FGF10: variants seen among roughly 807,000 people sequenced by gnomAD.
The protein encoded by FGF10 is FGF-10.
A neutral mutation model predicts 19.8 loss-of-function variants in FGF10; 2 were observed. That is an observed-to-expected ratio of 0.10 (90% CI 0.04 to 0.32). FGF10 has a LOEUF of 0.32. Ranked by LOEUF, FGF10 falls within the 10% of genes least tolerant of loss-of-function variation. The probability of loss-of-function intolerance (pLI) is 1.00; values close to 1 mark genes in which losing one functional copy is unlikely to be tolerated. For synonymous variants in FGF10, 112 were observed against 94.0 expected (o/e 1.19, Z -1.10); for missense variants, 191 against 246.3 (o/e 0.78, Z 1.50).
At chr5:44,365,010 T>C (rs1407413349) in intron 1 of FGF10, among the ~76,000 whole-genome samples, 1 of 151,948 alleles carries the variant, frequency 6.6e-6, no homozygotes, top group Non-Finnish European at 1.5e-5. Flanking sequence ...AAAATAGGTA[T>C]AGCCAAACAC....
rs564897386 is a variant in FGF10 at position 44,377,271 on chromosome 5, G to C, written c.325+11087C>G. Among the ~76,000 whole-genome samples the C allele has an allele frequency of 8.5e-5, 13 of 152,298 alleles. No individual in the cohort carries two copies. The South Asian group carries it at 2.5e-3, about 29-fold the overall frequency. ...CTGCCCTGCTTCTTGGCATTGAGTA[G>C]AAACTGCCTTATATGCTCTTCCAAC... On this transcript the variant is annotated intron_variant, in intron 1 of 2. Coordinates refer to ENST00000264664, the MANE Select transcript of FGF10 (RefSeq NM_004465.2).
intron 1 of FGF10, among the ~76,000 whole-genome samples, chr5:44,372,236 C>T (rs1056388401): frequency 1.3e-5 from 2 of 152,136 alleles, no homozygotes; most frequent in Non-Finnish European, 2.9e-5. Context: ...TCCTTGGCCA[C>T]ATTCCTTGGC....
In FGF10 at chr5:44,302,275, T is replaced by TTTCCTTCCTTCC. The variant is rs1389266344; in HGVS notation, c.*2719_*2720insGGAAGGAAGGAA. Among the ~76,000 whole-genome samples, 1 of 136,350 alleles carries TTTCCTTCCTTCC rather than the reference T, an allele frequency of 7.3e-6. No homozygotes were observed. Among genetic ancestry groups the TTTCCTTCCTTCC allele is most frequent in the African/African-American group, 2.8e-5 (1 of 35,286 alleles). 89.5% of individuals were successfully genotyped at this position (136,350 alleles called of 152,430 possible). A position where few individuals can be genotyped will look rare whatever the true frequency, so the allele number is the denominator to read the frequency against. ...CCTCCCTTCTTTCCTTCCTTCCTTCTTTCCTTGCTTCCTTCCTTCCTTCCT... is the reference window on the plus strand; with the variant it reads ...CCTCCCTTCTTTCCTTCCTTCCTTCTTTCCTTCCTTCCTTCCTTGCTTCCTTCCTTCCTTCCT... On this transcript the variant is annotated 3_prime_UTR_variant, in exon 3 of 3. Transcript: ENST00000264664.
chr5:44,380,134 T>C (rs188775697), intron 1 of FGF10, among the ~76,000 whole-genome samples: 148 of 152,328 alleles, frequency 9.7e-4, no homozygotes, highest in Non-Finnish European at 1.2e-4. Flanking sequence ...GGTATCTTAC[T>C]TTAGACTATC....
intron 1 of FGF10, among the ~76,000 whole-genome samples, chr5:44,324,465 T>A (rs1039917251): frequency 1.3e-5 from 2 of 152,110 alleles, no homozygotes; most frequent in African/African-American, 4.8e-5. Flanking sequence ...AACCGCACAA[T>A]ATCATATCTT....
At chr5:44,347,769 T>A (rs924054669) in intron 1 of FGF10, among the ~76,000 whole-genome samples, 1 of 151,756 alleles carries the variant, frequency 6.6e-6, no homozygotes, top group Non-Finnish European at 1.5e-5. Flanking sequence ...ACTCATCTCA[T>A]GCCCTTATAG....
At chr5:44,351,770 G>A (rs1741238497) in intron 1 of FGF10, among the ~76,000 whole-genome samples, 1 of 151,634 alleles carries the variant, frequency 6.6e-6, no homozygotes, top group Admixed American at 6.6e-5. Flanking sequence ...AATTTGGAGA[G>A]ATGGAGTCAA....
rs1740187986 is a variant in FGF10, at chr5:44,310,543, A to G, written c.326-13T>C. On this transcript the variant is annotated splice_polypyrimidine_tract_variant and intron_variant, in intron 1 of 2. Transcript: ENST00000264664. ...ATCTCCAGGATGCCTAAAACATACA[A>G]TTTTAAAAGGCTAAATAAAGAATCC... The G allele has an allele frequency of 6.5e-7, 1 of 1,546,174 alleles. No homozygotes were observed. Among genetic ancestry groups the G allele is most frequent in the East Asian group, 2.3e-5 (1 of 44,312 alleles).
intron 1 of FGF10, among the ~76,000 whole-genome samples, chr5:44,323,220 G>A (rs1463623394): frequency 2.0e-5 from 3 of 152,110 alleles, no homozygotes; most frequent in African/African-American, 7.2e-5. Context: ...CCATAGGTTG[G>A]AAATACAAGA....
chr5:44,372,304 C>T (rs1016704103), intron 1 of FGF10, among the ~76,000 whole-genome samples: 5 of 152,128 alleles, frequency 3.3e-5, no homozygotes, highest in African/African-American at 1.2e-4. Flanking sequence ...ATCTCTGCTT[C>T]CATCCTCAAA....
chr5:44,335,045 C>T (rs552707126), intron 1 of FGF10, among the ~76,000 whole-genome samples: 60 of 152,158 alleles, frequency 3.9e-4, no homozygotes, highest in Admixed American at 2.0e-4. Context: ...CCAAGTACTT[C>T]CAGACTCAAA....
At position 44,304,047 on chromosome 5, in the gene FGF10, A is replaced by G. The variant is rs563051847; in HGVS notation, c.*948T>C. ...ATTTGGCCTTCTGGTCTATTTCTTGAGACAGGAAGCCTCGAGAGTAATATA... is the reference window on the plus strand; with the variant it reads ...ATTTGGCCTTCTGGTCTATTTCTTGGGACAGGAAGCCTCGAGAGTAATATA... On this transcript the variant is annotated 3_prime_UTR_variant, in exon 3 of 3. Transcript: ENST00000264664. 1.4e-4 allele frequency: 22 copies of G among 152,296 alleles called. No individual in the cohort carries two copies. The highest frequency in any genetic ancestry group is 4.8e-4 in the African/African-American group (20 of 41,574). The allele number at this position is 152,296 out of a possible 1,614,324, so 9.4% of individuals were successfully genotyped here. A position where few individuals can be genotyped will look rare whatever the true frequency, so the allele number is the denominator to read the frequency against.
At chr5:44,320,357 C>T (rs1444554554) in intron 1 of FGF10, among the ~76,000 whole-genome samples, 1 of 152,186 alleles carries the variant, frequency 6.6e-6, no homozygotes, top group African/African-American at 2.4e-5. Context: ...CTTTCCTGCA[C>T]TGTGCACTTG....
chr5:44,335,814 A>C (rs557059042), intron 1 of FGF10, among the ~76,000 whole-genome samples: 1 of 152,204 alleles, frequency 6.6e-6, no homozygotes, highest in East Asian at 1.9e-4. Context: ...TACTTTACCT[A>C]GGCATACCCA....
chr5:44,372,744 T>C (rs1406883342), intron 1 of FGF10, among the ~76,000 whole-genome samples: 1 of 152,166 alleles, frequency 6.6e-6, no homozygotes, highest in Non-Finnish European at 1.5e-5. Flanking sequence ...AAGCGTAGTA[T>C]AACAGTTATA....
intron 1 of FGF10, among the ~76,000 whole-genome samples, chr5:44,339,326 A>G (rs905576326): frequency 6.6e-6 from 1 of 152,196 alleles, no homozygotes. Flanking sequence ...AATGTTACAC[A>G]TATTATAATT....
At position 44,307,048 on chromosome 5, in the gene FGF10, G is replaced by A. The variant is rs17228221; in HGVS notation, c.430-1856C>T. On this transcript the variant is annotated intron_variant, in intron 2 of 2. Coordinates refer to ENST00000264664, the MANE Select transcript of FGF10 (RefSeq NM_004465.2). ...AGTTTAGAGACTAATGAAGGACTGAGATTGTTTGAGGTGATTTCATATTTC... is the reference window on the plus strand; with the variant it reads ...AGTTTAGAGACTAATGAAGGACTGAAATTGTTTGAGGTGATTTCATATTTC... Among the ~76,000 whole-genome samples the A allele has an allele frequency of 1.2e-4, 19 of 152,286 alleles. 2 individuals carry two copies. In the South Asian group the frequency reaches 3.7e-3, roughly 30 times the overall value.
intron 1 of FGF10, among the ~76,000 whole-genome samples, chr5:44,385,078 T>C (rs947826907): frequency 2.6e-5 from 4 of 152,114 alleles, no homozygotes; most frequent in African/African-American, 7.2e-5. Context: ...GGCAAAGCTC[T>C]AGATGTAAAG....
chr5:44,328,850 T>G (rs1740669341), intron 1 of FGF10, among the ~76,000 whole-genome samples: 1 of 152,122 alleles, frequency 6.6e-6, no homozygotes, highest in African/African-American at 2.4e-5. Flanking sequence ...GATACAAAAT[T>G]ATCTGGGTAT....
Sources: gnomAD v4.1 joint callset for allele counts (sites outside exome capture counted in the v4.1 genomes callset) on GRCh38, gnomAD v4.1.1 for gene constraint, MANE v1.5 for transcripts, NCBI Gene and HGNC (gene_info 2026-07-23, HGNC 2026-07-21) for gene names.